DPP10: variants seen among roughly 807,000 people sequenced by gnomAD.
DPP10 encodes dipeptidyl peptidase like 10, also known as inactive dipeptidyl peptidase 10.
In DPP10, 33 loss-of-function variants were observed where a neutral mutation model predicts 120.9. The observed-to-expected ratio is 0.27, with a 90% CI of 0.21 to 0.37. DPP10 has a LOEUF of 0.37. DPP10 is among the 10% of genes least tolerant of loss of function. DPP10 has a pLI of 1.00. For missense variants in DPP10, 816 were observed against 942.8 expected (o/e 0.87, Z 1.76); for synonymous variants, 337 against 326.1 (o/e 1.03, Z -0.36).
chr2:115,109,996 G>A (rs2049135243), intron 1 of DPP10, among the ~76,000 whole-genome samples: 1 of 152,192 alleles, frequency 6.6e-6, no homozygotes, highest in Non-Finnish European at 1.5e-5. Flanking sequence ...GCAAGTATGA[G>A]CCTCAGTTTT....
At chr2:114,611,492 C>A (rs1416555233) in intron 1 of DPP10, among the ~76,000 whole-genome samples, 1 of 152,154 alleles carries the variant, frequency 6.6e-6, no homozygotes, top group Non-Finnish European at 1.5e-5. Flanking sequence ...TTCATCCAGT[C>A]TTTTTCATGC....
At chr2:115,706,610 G>A (rs763185075) in intron 7 of DPP10, among the ~76,000 whole-genome samples, 5 of 151,884 alleles carry the variant, frequency 3.3e-5, no homozygotes, top group Non-Finnish European at 5.9e-5. Context: ...GCAACTAAGC[G>A]CTTACACCAT....
At chr2:115,383,579 G>C (rs2066605028) in intron 3 of DPP10, among the ~76,000 whole-genome samples, 1 of 152,114 alleles carries the variant, frequency 6.6e-6, no homozygotes, top group African/African-American at 2.4e-5. Flanking sequence ...TGCCATTTCA[G>C]ACTTTGCTAA....
intron 1 of DPP10, among the ~76,000 whole-genome samples, chr2:115,250,812 C>T (rs1213958752): frequency 6.6e-6 from 1 of 152,130 alleles, no homozygotes; most frequent in African/African-American, 2.4e-5. Context: ...TATTAATGAA[C>T]AGTAGTAACT....
chr2:115,568,143 A>G (rs2149078060), intron 5 of DPP10, among the ~76,000 whole-genome samples: 1 of 149,276 alleles, frequency 6.7e-6, no homozygotes, highest in East Asian at 2.0e-4. Flanking sequence ...GCACCACTGC[A>G]CTCCAGCCTG....
chr2:114,683,532 C>T (rs978717951), intron 1 of DPP10, among the ~76,000 whole-genome samples: 1 of 148,046 alleles, frequency 6.8e-6, no homozygotes, highest in Non-Finnish European at 1.5e-5. Context: ...CTCTCCCTTC[C>T]TTCCTTCCTT....
At chr2:115,721,915 G>C (rs751019230) in intron 7 of DPP10, among the ~76,000 whole-genome samples, 2 of 152,130 alleles carry the variant, frequency 1.3e-5, no homozygotes, top group Non-Finnish European at 2.9e-5. Context: ...TACTATGCAG[G>C]TTTTAAAAAG....
chr2:114,863,250 T>A (rs1156592925), intron 1 of DPP10, among the ~76,000 whole-genome samples: 1 of 152,216 alleles, frequency 6.6e-6, no homozygotes, highest in Non-Finnish European at 1.5e-5. Context: ...GGGAAGAAGT[T>A]AGCCAGAATC....
intron 1 of DPP10, among the ~76,000 whole-genome samples, chr2:114,683,340 A>T (rs1258309323): frequency 5.3e-5 from 8 of 151,986 alleles, no homozygotes; most frequent in Admixed American, 3.9e-4. Flanking sequence ...AAGGATGAAT[A>T]AAACAGAAGT....
intron 1 of DPP10, among the ~76,000 whole-genome samples, chr2:115,063,277 C>A (rs1706565792): frequency 1.3e-5 from 2 of 152,086 alleles, no homozygotes; most frequent in Admixed American, 6.6e-5. Flanking sequence ...CTCATAGATT[C>A]TGGATATTAG....
intron 5 of DPP10, among the ~76,000 whole-genome samples, chr2:115,660,276 C>G (rs567094769): frequency 1.1e-4 from 16 of 152,256 alleles, no homozygotes; most frequent in Admixed American, 3.3e-4. Flanking sequence ...TTCACCTGCT[C>G]AATGTTTAAC....
intron 3 of DPP10, among the ~76,000 whole-genome samples, chr2:115,431,676 C>G (rs1014390425): frequency 3.9e-5 from 6 of 152,116 alleles, no homozygotes; most frequent in African/African-American, 1.2e-4. Flanking sequence ...GTCTCTAACA[C>G]TTCAGGGGTC....
chr2:115,497,723 T>A (rs2076476627), intron 3 of DPP10, among the ~76,000 whole-genome samples: 1 of 152,028 alleles, frequency 6.6e-6, no homozygotes. Context: ...GACTGTTGAT[T>A]TGAGCAAGCA....
chr2:114,708,673 G>A (rs981333562), intron 1 of DPP10, among the ~76,000 whole-genome samples: 1 of 152,192 alleles, frequency 6.6e-6, no homozygotes, highest in Non-Finnish European at 1.5e-5. Context: ...AACAGAAAAG[G>A]AAGAACGTGA....
chr2:114,988,235 T>C (rs1195710065), intron 1 of DPP10, among the ~76,000 whole-genome samples: 1 of 152,252 alleles, frequency 6.6e-6, no homozygotes, highest in Non-Finnish European at 1.5e-5. Flanking sequence ...CTTTTATTAT[T>C]GCCCTTGTTC....
chr2:115,032,885 A>C (rs1332067888), intron 1 of DPP10, among the ~76,000 whole-genome samples: 1 of 149,270 alleles, frequency 6.7e-6, no homozygotes, highest in Non-Finnish European at 1.5e-5. Context: ...ACTCCGTCAA[A>C]AAAAAAAAAA....
intron 11 of DPP10, among the ~76,000 whole-genome samples, chr2:115,761,955 T>G (rs1324352590): frequency 1.3e-5 from 2 of 152,158 alleles, no homozygotes; most frequent in African/African-American, 4.8e-5. Context: ...TTAAAGCTTG[T>G]TTTTTCTACA....
intron 1 of DPP10, among the ~76,000 whole-genome samples, chr2:114,519,634 G>C (rs1684886232): frequency 6.6e-6 from 1 of 152,154 alleles, no homozygotes; most frequent in Non-Finnish European, 1.5e-5. Context: ...CATTCTATAG[G>C]AAAATAGGAC....
At chr2:114,921,131 G>A (rs557639716) in intron 1 of DPP10, among the ~76,000 whole-genome samples, 131 of 152,258 alleles carry the variant, frequency 8.6e-4, no homozygotes, top group Non-Finnish European at 1.1e-3. Flanking sequence ...ATCCACCAGG[G>A]CTTCGAACAA....
Sources: allele counts gnomAD v4.1 joint callset (sites outside exome capture counted in the v4.1 genomes callset), GRCh38; gene constraint gnomAD v4.1.1; transcripts MANE v1.5; gene names NCBI Gene and HGNC (gene_info 2026-07-23, HGNC 2026-07-21).